MRRF: variants seen among roughly 807,000 people sequenced by gnomAD.
MRRF encodes the protein mitochondrial ribosome recycling factor.
In MRRF, 18 loss-of-function variants were observed where a neutral mutation model predicts 25.1. The observed-to-expected ratio is 0.72, with a 90% confidence interval of 0.50 to 1.06. The LOEUF is 1.06. MRRF is among the 50% of genes least tolerant of loss of function. The pLI, the probability that MRRF is intolerant of heterozygous loss-of-function variation, is 0.00. For synonymous variants in MRRF, 113 were observed against 112.1 expected (o/e 1.01, Z -0.05); for missense variants, 323 against 319.3 (o/e 1.01, Z -0.09).
At chr9:122,290,672 T>C (rs1490075246) in intron 4 of MRRF, among the ~76,000 whole-genome samples, 1 of 152,184 alleles carries the variant, frequency 6.6e-6, no homozygotes, top group East Asian at 1.9e-4. Flanking sequence ...GTGATGTGGA[T>C]TGTCTCCGGT....
At chr9:122,302,021 G>A (rs899595472) in intron 5 of MRRF, among the ~76,000 whole-genome samples, 2 of 151,908 alleles carry the variant, frequency 1.3e-5, no homozygotes, top group African/African-American at 4.8e-5. Flanking sequence ...TGGGATTACA[G>A]GCATAAGACC....
In MRRF at chr9:122,328,033, G is replaced by T. The variant is rs1443062820; in HGVS notation, c.*5416G>T. 1 of 151,818 alleles carries T rather than the reference G, an allele frequency of 6.6e-6. No individual in the cohort carries two copies. 9.4% of individuals were successfully genotyped at this position (151,818 alleles called of 1,614,324 possible). On this transcript the variant is annotated 3_prime_UTR_variant, in exon 7 of 7. Coordinates refer to ENST00000344641, the MANE Select transcript of MRRF (RefSeq NM_138777.5). ...CACTCAGGCTGGATTTCAGTGGCAT[G>T]ATCTCAGCTCACTGTAGCCTTGACA...
intron 5 of MRRF, among the ~76,000 whole-genome samples, 170 bp downstream of exon 5, chr9:122,292,010 G>A (rs147586420): frequency 1.3e-3 from 196 of 152,294 alleles, no homozygotes; most frequent in African/African-American, 4.4e-3. Flanking sequence ...TACTTATTGA[G>A]CGCCTGTTAT....
intron 6 of MRRF, among the ~76,000 whole-genome samples, chr9:122,319,764 A>G (rs1219606546): frequency 6.6e-6 from 1 of 152,070 alleles, no homozygotes; most frequent in Admixed American, 6.6e-5. Context: ...GCTATTAATC[A>G]TTATTTTAAG....
At chr9:122,278,778 A>G (rs1397386041) in intron 2 of MRRF, among the ~76,000 whole-genome samples, 1 of 152,158 alleles carries the variant, frequency 6.6e-6, no homozygotes, top group Admixed American at 6.5e-5. Context: ...TTGGGCGTTT[A>G]TAAAGATCTC....
chr9:122,301,051 A>G (rs1047159891), intron 5 of MRRF, among the ~76,000 whole-genome samples: 1 of 152,126 alleles, frequency 6.6e-6, no homozygotes, highest in Admixed American at 6.6e-5. Flanking sequence ...TCCTCTGGGC[A>G]TTTTTGGGGA....
At chr9:122,308,060 A>G (rs1457925988) in intron 5 of MRRF, among the ~76,000 whole-genome samples, 2 of 152,218 alleles carry the variant, frequency 1.3e-5, no homozygotes, top group South Asian at 4.1e-4. Context: ...GGAATTTTTC[A>G]GGAAGGCCCC....
At chr9:122,314,178 C>T (rs1222296330) in intron 6 of MRRF, among the ~76,000 whole-genome samples, 1 of 152,188 alleles carries the variant, frequency 6.6e-6, no homozygotes, top group South Asian at 2.1e-4. Context: ...TTCTTGTTCT[C>T]ATTTCCATGG....
chr9:122,314,348 A>G (rs991000842), intron 6 of MRRF, among the ~76,000 whole-genome samples: 4 of 152,294 alleles, frequency 2.6e-5, no homozygotes, highest in Non-Finnish European at 4.4e-5. Context: ...CATAAGCCCA[A>G]CCACTCAAGT....
chr9:122,300,815 T>C (rs887307329), intron 5 of MRRF, among the ~76,000 whole-genome samples: 7 of 152,186 alleles, frequency 4.6e-5, no homozygotes, highest in African/African-American at 1.7e-4. Context: ...GTAGTTTGAT[T>C]GTTAATAAGC....
chr9:122,286,430 CGTG>C (rs1232557112), intron 4 of MRRF, among the ~76,000 whole-genome samples: 1 of 152,092 alleles, frequency 6.6e-6, no homozygotes, highest in Non-Finnish European at 1.5e-5. Context: ...TTGTGCCAGG[CGTG>C]GTGGCTCATG....
chr9:122,300,491 G>A (rs1834377595), intron 5 of MRRF, among the ~76,000 whole-genome samples: 2 of 152,154 alleles, frequency 1.3e-5, no homozygotes, highest in Non-Finnish European at 2.9e-5. Flanking sequence ...GTGAAGCCTG[G>A]CATATCATAG....
intron 1 of MRRF, among the ~76,000 whole-genome samples, chr9:122,267,620 A>G (rs1014075064): frequency 1.3e-5 from 2 of 152,120 alleles, no homozygotes; most frequent in African/African-American, 4.8e-5. Context: ...TGAGTGTTCT[A>G]TATGCATTGT....
chr9:122,303,564 G>A (rs1173063804), intron 5 of MRRF, among the ~76,000 whole-genome samples: 1 of 151,766 alleles, frequency 6.6e-6, no homozygotes, highest in Non-Finnish European at 1.5e-5. Context: ...ATTTTTTGTA[G>A]AGATGAGGTC....
intron 2 of MRRF, among the ~76,000 whole-genome samples, chr9:122,277,022 G>A (rs1167787253): frequency 6.6e-6 from 1 of 151,900 alleles, no homozygotes; most frequent in Non-Finnish European, 1.5e-5. Context: ...GGCCATGCCT[G>A]GTAATTTTTG....
At chr9:122,274,001 C>T (rs1243451560) in intron 2 of MRRF, among the ~76,000 whole-genome samples, 1 of 152,100 alleles carries the variant, frequency 6.6e-6, no homozygotes, top group Non-Finnish European at 1.5e-5. Context: ...CATTCTTGTA[C>T]ATGTGTTGTG....
intron 5 of MRRF, among the ~76,000 whole-genome samples, chr9:122,309,101 A>C (rs1835051554): frequency 6.6e-6 from 1 of 152,070 alleles, no homozygotes; most frequent in African/African-American, 2.4e-5. Context: ...TGAATTTGGC[A>C]GCTCTTAAGA....
chr9:122,327,955 A>G lies in MRRF; in HGVS notation c.*5338A>G, dbSNP rs755017849. 8 of 151,368 alleles carry G rather than the reference A, an allele frequency of 5.3e-5. No homozygotes were observed. Among genetic ancestry groups the G allele is most frequent in the South Asian group, 2.1e-4 (1 of 4,820 alleles). 9.4% of individuals were successfully genotyped at this position (151,368 alleles called of 1,614,324 possible). The stretch of plus-strand genomic sequence containing the variant: ...TTTTATTTTTAATTGTAAAATATAC[A>G]TAAAATTTACTCTCTTAACCATGTT... On this transcript the variant is annotated 3_prime_UTR_variant, in exon 7 of 7. Transcript: ENST00000344641.
In MRRF at chr9:122,267,295, C is replaced by A. The variant is rs190995180; in HGVS notation, c.-29+2357C>A. Reference sequence around the variant, plus strand: ...ACTCAGGAGGCTGAGGCAGGAGAATCCCCTGAACCTGGAAGGCATAGGTTG... The same window carrying A: ...ACTCAGGAGGCTGAGGCAGGAGAATACCCTGAACCTGGAAGGCATAGGTTG... On this transcript the variant is annotated intron_variant, in intron 1 of 6. Transcript: ENST00000344641. Among the ~76,000 whole-genome samples, 383 of 150,818 alleles carry A rather than the reference C, an allele frequency of 2.5e-3. 1 individual carries two copies. The highest frequency in any genetic ancestry group is 8.6e-3 in the African/African-American group (353 of 41,016).
Sources: allele counts gnomAD v4.1 joint callset (sites outside exome capture counted in the v4.1 genomes callset), GRCh38; gene constraint gnomAD v4.1.1; transcripts MANE v1.5; gene names NCBI Gene and HGNC (gene_info 2026-07-23, HGNC 2026-07-21).